DNAI3: variants seen among roughly 807,000 people sequenced by gnomAD.
The protein encoded by DNAI3 is dynein axonemal intermediate chain 3.
In DNAI3, 83 loss-of-function variants were observed where a neutral mutation model predicts 115.5. That is an observed-to-expected ratio of 0.72 (90% confidence interval 0.60 to 0.86). The LOEUF is 0.86. DNAI3 is among the 40% of genes least tolerant of loss of function. The pLI is 0.00. For missense variants in DNAI3, 1,004 were observed against 1,075.8 expected (o/e 0.93, Z 0.93); for synonymous variants, 320 against 347.0 (o/e 0.92, Z 0.86).
At chr1:85,081,445 T>A in intron 4 of DNAI3, 30 bp downstream of exon 4, 1 of 1,511,594 alleles carries the variant, frequency 6.6e-7, no homozygotes, top group Non-Finnish European at 8.8e-7. Context: ...TTATTTTCAG[T>A]CCTACCTCAA....
intron 3 of DNAI3, among the ~76,000 whole-genome samples, chr1:85,075,384 A>G (rs1405356149): frequency 6.6e-6 from 1 of 152,246 alleles, no homozygotes; most frequent in Non-Finnish European, 1.5e-5. Flanking sequence ...CATTGAAAGT[A>G]AATGAACTGA....
intron 2 of DNAI3, 51 bp downstream of exon 2, chr1:85,072,056 A>T: frequency 6.6e-7 from 1 of 1,506,314 alleles, no homozygotes; most frequent in Non-Finnish European, 9.1e-7. Flanking sequence ...ATTTGTGTAT[A>T]TATTAGCAGC....
chr1:85,110,251 A>G (rs1242105120), intron 16 of DNAI3, 116 bp downstream of exon 16: 27 of 834,350 alleles, frequency 3.2e-5, no homozygotes, highest in Non-Finnish European at 4.9e-5. Context: ...GCAGATCGAG[A>G]TCATCCTGGC....
rs1368043205 is a variant in DNAI3 at position 85,115,146 on chromosome 1, C to T, written c.1787-2583C>T. Among the ~76,000 whole-genome samples the T allele has an allele frequency of 4.6e-5, 7 of 152,220 alleles. No individual in the cohort carries two copies. In the East Asian group the frequency reaches 1.2e-3, roughly 25 times the overall value. On this transcript the variant is annotated intron_variant, in intron 16 of 22. Transcript: ENST00000294664. ...AGTTAAATTACTTTACCTCTCTGTA[C>T]CTTAGTTGTTTTTTTGCTTTTAAAT...
chr1:85,130,139 T>C (rs761938272), intron 22 of DNAI3, 27 bp downstream of exon 22: 1 of 1,612,468 alleles, frequency 6.2e-7, no homozygotes, highest in Non-Finnish European at 8.5e-7. Context: ...AAATGAAAGA[T>C]GTTTTCCTCG....
Position 85,109,907 on chromosome 1 carries a change from T to A in DNAI3, c.1699-141T>A, listed in dbSNP as rs555913663. ...TCCATGGAGGAAAGAAACTAGAAAT[T>A]TGAGGGAGGAAAGGGAAGGAAGAAA... On this transcript the variant is annotated intron_variant, in intron 15 of 22. Coordinates refer to ENST00000294664, the MANE Select transcript of DNAI3 (RefSeq NM_145172.5). 3.0e-4 allele frequency: 212 copies of A among 705,316 alleles called. 5 individuals are homozygous for A. In the South Asian group the frequency reaches 4.2e-3, roughly 14 times the overall value. 43.7% of individuals were successfully genotyped at this position (705,316 alleles called of 1,614,324 possible).
At chr1:85,130,160 G>A in intron 22 of DNAI3, 48 bp downstream of exon 22, 1 of 1,608,630 alleles carries the variant, frequency 6.2e-7, no homozygotes, top group Non-Finnish European at 8.5e-7. Flanking sequence ...AACACCAGTG[G>A]AAATATATTT....
intron 15 of DNAI3, among the ~76,000 whole-genome samples, chr1:85,108,889 G>A (rs1309632664): frequency 6.6e-6 from 1 of 152,236 alleles, no homozygotes; most frequent in African/African-American, 2.4e-5. Context: ...CAAATGGTGT[G>A]TGTAATAATT....
chr1:85,063,936 C>G (rs182716777), intron 1 of DNAI3, among the ~76,000 whole-genome samples: 25 of 151,936 alleles, frequency 1.6e-4, no homozygotes, highest in Non-Finnish European at 2.8e-4. Flanking sequence ...AGGCCTGTGA[C>G]TTTGTTAGTA....
chr1:85,110,911 T>C (rs990819879), intron 16 of DNAI3, among the ~76,000 whole-genome samples: 1 of 152,096 alleles, frequency 6.6e-6, no homozygotes, highest in Non-Finnish European at 1.5e-5. Context: ...GAAAGAAAAC[T>C]GACTTTTAAA....
intron 13 of DNAI3, 94 bp downstream of exon 13, chr1:85,098,752 A>G: frequency 6.5e-7 from 1 of 1,537,210 alleles, no homozygotes; most frequent in South Asian, 1.2e-5. Flanking sequence ...ATTCATTTAC[A>G]CTTAAATTGT....
chr1:85,092,794 TACACACACACAC>T (rs58308443), intron 8 of DNAI3, among the ~76,000 whole-genome samples: 2,101 of 145,356 alleles, frequency 0.014, 26 homozygotes, highest in Middle Eastern at 0.042. Flanking sequence ...CAACTAAAAC[TACACACACACAC>T]ACACACACAC....
At position 85,097,919 on chromosome 1, in the gene DNAI3, T is replaced by A. The variant is rs188775841; in HGVS notation, c.1350+264T>A. Among the ~76,000 whole-genome samples the A allele has an allele frequency of 4.6e-5, 7 of 152,254 alleles. No individual in the cohort carries two copies. The East Asian group carries it at 7.7e-4, about 17-fold the overall frequency. On this transcript the variant is annotated intron_variant, in intron 12 of 22. Transcript: ENST00000294664. ...GTCTGGTTGTTATTGTTAAATGAAA[T>A]GAAGGGACCAAGTGACTTGCCTAAA...
intron 16 of DNAI3, among the ~76,000 whole-genome samples, chr1:85,113,381 T>G (rs1246172146): frequency 6.6e-6 from 1 of 152,218 alleles, no homozygotes; most frequent in Non-Finnish European, 1.5e-5. Context: ...TTCTTTTGAG[T>G]TAATTTTTGT....
rs550316506 is a variant in DNAI3 at position 85,129,168 on chromosome 1, C to A, written c.2409+369C>A. On this transcript the variant is annotated intron_variant, in intron 21 of 22. Coordinates refer to ENST00000294664, the MANE Select transcript of DNAI3 (RefSeq NM_145172.5). The stretch of plus-strand genomic sequence containing the variant: ...TCATGCATCTCTCCATCACCCACCC[C>A]CTCCGGCTCCCAACCCAACTTGGAG... Among the ~76,000 whole-genome samples the A allele has an allele frequency of 2.6e-5, 4 of 152,284 alleles. 1 individual carries two copies. The South Asian group carries it at 8.3e-4, about 32-fold the overall frequency.
intron 18 of DNAI3, among the ~76,000 whole-genome samples, chr1:85,123,705 T>A (rs939443838): frequency 9.2e-5 from 14 of 152,234 alleles, no homozygotes; most frequent in African/African-American, 3.4e-4. Context: ...TTGTATACTT[T>A]GGGATGTGTT....
At chr1:85,094,404 T>A (rs1385278785) in intron 9 of DNAI3, 27 bp from the exon 10 acceptor site, 1 of 1,613,242 alleles carries the variant, frequency 6.2e-7, no homozygotes, top group African/African-American at 1.3e-5. Context: ...TGCTGCCAAC[T>A]TTAATTTCTA....
At chr1:85,098,469 G>A in intron 12 of DNAI3, 61 bp from the exon 13 acceptor site, 1 of 1,574,494 alleles carries the variant, frequency 6.4e-7, no homozygotes, top group East Asian at 2.3e-5. Context: ...GATGAGTAAA[G>A]TATGAGTTCA....
chr1:85,091,205 C>T (rs1458273744), intron 8 of DNAI3, among the ~76,000 whole-genome samples: 2 of 152,092 alleles, frequency 1.3e-5, no homozygotes, highest in Non-Finnish European at 1.5e-5. Context: ...GTAGTCATTA[C>T]AATTTTTCCT....
Sources: allele counts gnomAD v4.1 joint callset (sites outside exome capture counted in the v4.1 genomes callset), GRCh38; gene constraint gnomAD v4.1.1; transcripts MANE v1.5; gene names NCBI Gene and HGNC (gene_info 2026-07-23, HGNC 2026-07-21).